C12orf42: variants seen among roughly 807,000 people sequenced by gnomAD.
C12orf42 encodes uncharacterized protein C12orf42.
In C12orf42, 25 loss-of-function variants were observed where a neutral mutation model predicts 21.6. That is an observed-to-expected ratio of 1.16 (90% confidence interval 0.84 to 1.62). The LOEUF is 1.62. Ranked by LOEUF, C12orf42 falls within the 40% of genes most tolerant of loss-of-function variation. The pLI is 0.00. For missense variants in C12orf42, 483 were observed against 459.3 expected, an observed-to-expected ratio of 1.05 and a Z score of -0.47; for synonymous variants, 174 against 175.0, an observed-to-expected ratio of 0.99 and a Z score of 0.05.
At chr12:103,408,733 C>T (rs150347013) in intron 2 of C12orf42, among the ~76,000 whole-genome samples, 9 of 152,208 alleles carry the variant, frequency 5.9e-5, no homozygotes, top group African/African-American at 2.2e-4. Context: ...TGTAGACAAG[C>T]TTCTTAAAGT....
the C12orf42 span, among the ~76,000 whole-genome samples, chr12:103,143,405 A>T: frequency 6.6e-6 from 1 of 152,198 alleles, no homozygotes; most frequent in Non-Finnish European, 1.5e-5. Flanking sequence ...CTTCGGTAGC[A>T]TTCCTAGTCT....
chr12:103,102,176 T>G, the C12orf42 span, among the ~76,000 whole-genome samples: 1 of 152,170 alleles, frequency 6.6e-6, no homozygotes, highest in East Asian at 1.9e-4. Flanking sequence ...AGAGAAATAA[T>G]TGGGACCATT....
At chr12:103,129,186 G>A in the C12orf42 span, among the ~76,000 whole-genome samples, 1 of 152,204 alleles carries the variant, frequency 6.6e-6, no homozygotes, top group African/African-American at 2.4e-5. Context: ...GTGGACTAGA[G>A]GGTAGAAACA....
At chr12:103,086,387 A>G in the C12orf42 span, among the ~76,000 whole-genome samples, 1 of 151,856 alleles carries the variant, frequency 6.6e-6, no homozygotes, top group East Asian at 1.9e-4. Context: ...AAAAAAAGAG[A>G]GAACTATTTC....
At chr12:103,396,910 G>A (rs576102476) in intron 3 of C12orf42, among the ~76,000 whole-genome samples, 1 of 152,304 alleles carries the variant, frequency 6.6e-6, no homozygotes, top group Non-Finnish European at 1.5e-5. Context: ...CCCATTGGAA[G>A]TCTGTGAGCA....
the C12orf42 span, among the ~76,000 whole-genome samples, chr12:103,512,902 TGA>T: frequency 6.6e-6 from 1 of 151,370 alleles, no homozygotes; most frequent in Non-Finnish European, 1.5e-5. Flanking sequence ...CCCTGGAGGC[TGA>T]GGCAGGAGAA....
At chr12:103,104,097 GA>G in the C12orf42 span, among the ~76,000 whole-genome samples, 3 of 151,744 alleles carry the variant, frequency 2.0e-5, no homozygotes, top group African/African-American at 4.8e-5. Context: ...AACTGAAGCA[GA>G]AAAAAAGGCA....
At position 103,416,035 on chromosome 12, in the gene C12orf42, T is replaced by G. The variant is rs574560091; in HGVS notation, c.79-14360A>C. ...GGCACCATTGTCTTTGTTTAGTGGG[T>G]TTTTTTTTTTATTGGCCTTTCTGCA... On this transcript the variant is annotated intron_variant, in intron 2 of 5. Coordinates refer to ENST00000548883, the MANE Select transcript of C12orf42 (RefSeq NM_198521.5). Among the ~76,000 whole-genome samples, 4 of 6,116 alleles carry G rather than the reference T, an allele frequency of 6.5e-4. No homozygotes were observed. In the South Asian group the frequency reaches 7.0e-3, roughly 11 times the overall value. The allele number at this position is 6,116 out of a possible 152,430, so 4.0% of individuals were successfully genotyped here.
the C12orf42 span, among the ~76,000 whole-genome samples, chr12:103,055,063 A>AT: frequency 2.0e-5 from 3 of 151,774 alleles, no homozygotes; most frequent in African/African-American, 4.8e-5. Context: ...TGGTTTTGAC[A>AT]TTTGGATAAT....
the C12orf42 span, among the ~76,000 whole-genome samples, chr12:103,060,871 C>G: frequency 6.6e-6 from 1 of 151,998 alleles, no homozygotes; most frequent in African/African-American, 2.4e-5. Flanking sequence ...ATAAAAACCC[C>G]AGAAAAAAAC....
the C12orf42 span, among the ~76,000 whole-genome samples, chr12:103,192,180 G>T: frequency 6.1e-4 from 93 of 152,232 alleles, no homozygotes; most frequent in Non-Finnish European, 1.1e-3. Context: ...TTTAAAAAAA[G>T]ATCCAATTAT....
chr12:103,533,455 C>T, the C12orf42 span, among the ~76,000 whole-genome samples: 1 of 152,084 alleles, frequency 6.6e-6, no homozygotes, highest in Non-Finnish European at 1.5e-5. Flanking sequence ...TCTCTGGTCC[C>T]AATTTTCCAC....
At chr12:103,083,151 G>T in the C12orf42 span, among the ~76,000 whole-genome samples, 3 of 152,104 alleles carry the variant, frequency 2.0e-5, no homozygotes, top group African/African-American at 7.2e-5. Flanking sequence ...GATCATCTGT[G>T]GTCAGGAGTT....
intron 4 of C12orf42, among the ~76,000 whole-genome samples, chr12:103,292,562 T>C (rs2036891292): frequency 6.6e-6 from 1 of 152,098 alleles, no homozygotes. Context: ...ACAGTAAGGA[T>C]GCAATCAACA....
the C12orf42 span, among the ~76,000 whole-genome samples, chr12:103,554,336 C>T: frequency 6.6e-6 from 1 of 152,102 alleles, no homozygotes; most frequent in Non-Finnish European, 1.5e-5. Context: ...GGGATTATAT[C>T]CAGCTTGTAG....
intron 4 of C12orf42, among the ~76,000 whole-genome samples, chr12:103,349,799 G>T (rs550902532): frequency 6.6e-6 from 1 of 151,902 alleles, no homozygotes; most frequent in Non-Finnish European, 1.5e-5. Flanking sequence ...TTTAAGATAC[G>T]CAAAGGATCA....
At chr12:103,232,993 A>G (rs977146576), downstream of C12orf42, among the ~76,000 whole-genome samples, 4 of 152,174 alleles carry the variant, frequency 2.6e-5, no homozygotes, top group African/African-American at 9.7e-5. Context: ...CTGGTAAGTG[A>G]GATATGTGTC....
intron 2 of C12orf42, among the ~76,000 whole-genome samples, chr12:103,460,974 G>A (rs1952660808): frequency 6.6e-6 from 1 of 152,128 alleles, no homozygotes; most frequent in Non-Finnish European, 1.5e-5. Context: ...GCAATCTATA[G>A]TCTGTTGTAG....
the C12orf42 span, among the ~76,000 whole-genome samples, chr12:103,216,623 C>G: frequency 6.6e-6 from 1 of 152,108 alleles, no homozygotes; most frequent in Non-Finnish European, 1.5e-5. Flanking sequence ...CGTGATCCAC[C>G]CGCCTCGGCC....
Sources: gnomAD v4.1 joint callset for allele counts (sites outside exome capture counted in the v4.1 genomes callset) on GRCh38, gnomAD v4.1.1 for gene constraint, MANE v1.5 for transcripts, NCBI Gene and HGNC (gene_info 2026-07-23, HGNC 2026-07-21) for gene names.